CD1B: variants seen among roughly 807,000 people sequenced by gnomAD.
The protein encoded by CD1B is CD1b molecule, also known as T-cell surface glycoprotein CD1b.
In CD1B, 43 loss-of-function variants were observed where a neutral mutation model predicts 39.8. The ratio of observed to expected loss-of-function variants is 1.08; its 90% CI spans 0.85 to 1.39. The LOEUF (loss-of-function observed/expected upper bound fraction) is 1.39. Among genes scored for constraint, CD1B ranks in the 40% most tolerant of loss-of-function variants. The pLI is 0.00. For missense variants in CD1B, 495 were observed against 403.8 expected (o/e 1.23, Z -1.94); for synonymous variants, 192 against 152.5 (o/e 1.26, Z -1.91).
At chr1:158,320,834 T>C in the CD1B span, among the ~76,000 whole-genome samples, 1 of 152,218 alleles carries the variant, frequency 6.6e-6, no homozygotes, top group African/African-American at 2.4e-5. Flanking sequence ...TTCCTCCTCT[T>C]ATTGATTTCT....
At chr1:158,302,977 T>C in the CD1B span, among the ~76,000 whole-genome samples, 1 of 151,752 alleles carries the variant, frequency 6.6e-6, no homozygotes, top group African/African-American at 2.4e-5. Flanking sequence ...AGAGACACAA[T>C]AAAAAAAGAA....
At chr1:158,316,566 A>G in the CD1B span, among the ~76,000 whole-genome samples, 2 of 151,746 alleles carry the variant, frequency 1.3e-5, no homozygotes, top group Non-Finnish European at 2.9e-5. Flanking sequence ...GGCTGAGACA[A>G]TGGGGTTTTC....
the CD1B span, chr1:158,292,693 G>A: frequency 5.6e-6 from 9 of 1,614,114 alleles, no homozygotes; most frequent in Non-Finnish European, 7.6e-6. Context: ...AGCCTGTTTG[G>A]GTGACATGGA....
At chr1:158,307,023 A>G in the CD1B span, among the ~76,000 whole-genome samples, 1 of 152,230 alleles carries the variant, frequency 6.6e-6, no homozygotes, top group East Asian at 1.9e-4. Flanking sequence ...TAAAAGAACT[A>G]GAGAAGCAAG....
At chr1:158,291,427 A>G in the CD1B span, 5 of 1,605,652 alleles carry the variant, frequency 3.1e-6, no homozygotes, top group Admixed American at 3.3e-5. Flanking sequence ...AAATTATGGG[A>G]GTTCTTTAGA....
the CD1B span, among the ~76,000 whole-genome samples, chr1:158,307,686 TA>T: frequency 6.6e-6 from 1 of 152,198 alleles, no homozygotes; most frequent in African/African-American, 2.4e-5. Context: ...AAATTCTCAA[TA>T]AAATACTGGC....
the CD1B span, among the ~76,000 whole-genome samples, chr1:158,287,749 G>C: frequency 1.3e-5 from 2 of 152,292 alleles, no homozygotes; most frequent in Middle Eastern, 6.8e-3. Flanking sequence ...ATATAGCTAG[G>C]TTATGTTGCA....
the CD1B span, among the ~76,000 whole-genome samples, chr1:158,322,431 G>C: frequency 1.5e-5 from 2 of 133,788 alleles, no homozygotes; most frequent in African/African-American, 2.9e-5. Flanking sequence ...TTTTTTTTTT[G>C]TGTGTGTGTG....
chr1:158,293,723 A>C, the CD1B span: 2 of 847,342 alleles, frequency 2.4e-6, no homozygotes, highest in Non-Finnish European at 3.7e-6. Flanking sequence ...CTTGACCCAT[A>C]CTGAACCCAG....
At chr1:158,307,769 T>C in the CD1B span, among the ~76,000 whole-genome samples, 1 of 151,576 alleles carries the variant, frequency 6.6e-6, no homozygotes, top group African/African-American at 2.4e-5. Context: ...AAAAGTCCTT[T>C]GACAAAATTC....
the CD1B span, chr1:158,292,095 G>A: frequency 6.2e-7 from 1 of 1,613,606 alleles, no homozygotes; most frequent in Non-Finnish European, 8.5e-7. Context: ...TCCCTTTGAA[G>A]TACAGGTGAA....
At chr1:158,289,807 A>AGATATAATG in the CD1B span, 1 of 411,784 alleles carries the variant, frequency 2.4e-6, no homozygotes, top group Non-Finnish European at 4.4e-6. Flanking sequence ...GAAGGGAAGT[A>AGATATAATG]GATATAATGG....
At chr1:158,309,053 A>C in the CD1B span, among the ~76,000 whole-genome samples, 1 of 152,206 alleles carries the variant, frequency 6.6e-6, no homozygotes, top group East Asian at 1.9e-4. Flanking sequence ...CAACCTACAG[A>C]ATGGGAGAAA....
the CD1B span, chr1:158,293,552 C>G: frequency 3.1e-6 from 5 of 1,613,808 alleles, no homozygotes; most frequent in African/African-American, 5.3e-5. Context: ...GTGATGCCAT[C>G]CCGTCGACTC....
chr1:158,300,582 T>C, the CD1B span, among the ~76,000 whole-genome samples: 1 of 152,116 alleles, frequency 6.6e-6, no homozygotes, highest in Non-Finnish European at 1.5e-5. Context: ...CAATGGAATG[T>C]TAAAGTCTCC....
At chr1:158,317,836 G>A in the CD1B span, among the ~76,000 whole-genome samples, 1 of 152,164 alleles carries the variant, frequency 6.6e-6, no homozygotes, top group Non-Finnish European at 1.5e-5. Context: ...TGCTTTGAAT[G>A]CGTCCCAGAG....
the CD1B span, among the ~76,000 whole-genome samples, chr1:158,319,510 T>G: frequency 6.6e-6 from 1 of 152,246 alleles, no homozygotes; most frequent in Non-Finnish European, 1.5e-5. Context: ...GGTTGTCAGC[T>G]CCATCACTCC....
At chr1:158,317,001 A>T in the CD1B span, among the ~76,000 whole-genome samples, 2 of 151,542 alleles carry the variant, frequency 1.3e-5, no homozygotes, top group Non-Finnish European at 2.9e-5. Flanking sequence ...CATCCCAGGG[A>T]TGAAGCCCAC....
Position 158,327,987 on chromosome 1 carries a change from A to G in CD1B, c.*249T>C. ...TATTATATTTCATTTATTTTGAGACACATTTTTTCTAACATTTTAATGTGT... is the reference window on the plus strand; with the variant it reads ...TATTATATTTCATTTATTTTGAGACGCATTTTTTCTAACATTTTAATGTGT... On this transcript the variant is annotated 3_prime_UTR_variant, in exon 6 of 6. Transcript: ENST00000368168. 1 of 397,318 alleles carries G rather than the reference A, an allele frequency of 2.5e-6. No homozygotes were observed. Among genetic ancestry groups the G allele is most frequent in the Non-Finnish European group, 4.5e-6 (1 of 223,572 alleles). The allele number at this position is 397,318 out of a possible 1,614,324, so 24.6% of individuals were successfully genotyped here. A position where few individuals can be genotyped will look rare whatever the true frequency, so the allele number is the denominator to read the frequency against.
Sources: allele counts gnomAD v4.1 joint callset (sites outside exome capture counted in the v4.1 genomes callset), GRCh38; gene constraint gnomAD v4.1.1; transcripts MANE v1.5; gene names NCBI Gene and HGNC (gene_info 2026-07-23, HGNC 2026-07-21).